The following MACROD2 variants were observed in gnomAD, a reference collection of about 807,000 sequenced individuals.
MACROD2 encodes the protein mono-ADP ribosylhydrolase 2, also known as ADP-ribose glycohydrolase MACROD2.
A neutral mutation model predicts 70.4 loss-of-function variants in MACROD2; 36 were observed. The ratio of observed to expected loss-of-function variants is 0.51; its 90% CI spans 0.39 to 0.68. The LOEUF is 0.68. Ranked by LOEUF, MACROD2 falls within the 30% of genes least tolerant of loss-of-function variation. The probability of loss-of-function intolerance (pLI) is 0.00; values close to 1 mark genes in which losing one functional copy is unlikely to be tolerated. For synonymous variants in MACROD2, 172 were observed against 178.8 expected, an observed-to-expected ratio of 0.96 and a Z score of 0.30; for missense variants, 496 against 538.4, an observed-to-expected ratio of 0.92 and a Z score of 0.78.
At chr20:15,481,583 C>A (rs1299623126) in intron 7 of MACROD2, among the ~76,000 whole-genome samples, 1 of 151,216 alleles carries the variant, frequency 6.6e-6, no homozygotes, top group African/African-American at 2.5e-5. Context: ...ACTAAAAGAA[C>A]TGCATTACAT....
intron 3 of MACROD2, among the ~76,000 whole-genome samples, chr20:14,151,811 C>CTTTTTTTTTTTTTTTT (rs144065987): frequency 8.4e-5 from 5 of 59,216 alleles, no homozygotes; most frequent in Admixed American, 2.3e-4. Flanking sequence ...TGTATTGTAT[C>CTTTTTTTTTTTTTTTT]TTTTTTTTTT....
chr20:14,530,726 AAG>A (rs2085292343), intron 4 of MACROD2, among the ~76,000 whole-genome samples: 1 of 152,226 alleles, frequency 6.6e-6, no homozygotes, highest in Admixed American at 6.5e-5. Context: ...CAAGATGATT[AAG>A]AGCGCGGAAA....
chr20:14,082,177 C>CTTTTTTTTTT lies in MACROD2; in HGVS notation c.164-3434_164-3425dup, dbSNP rs66918191. Reference sequence around the variant, plus strand: ...TTTTCCCATACCTTTCTTTTTTTTTCTTTTTTTTTTTTTTTTTTTGAGATG... The same window carrying CTTTTTTTTTT: ...TTTTCCCATACCTTTCTTTTTTTTTCTTTTTTTTTTTTTTTTTTTTTTTTTTTTTGAGATG... On this transcript the variant is annotated intron_variant, in intron 2 of 17. Transcript: ENST00000684519. 1.3e-3 allele frequency among the ~76,000 whole-genome samples: 120 copies of CTTTTTTTTTT among 93,202 alleles called. 2 individuals carry two copies. The highest frequency in any genetic ancestry group is 1.5e-3 in the Non-Finnish European group (79 of 52,806). The allele number at this position is 93,202 out of a possible 152,430, so 61.1% of individuals were successfully genotyped here. A position where few individuals can be genotyped will look rare whatever the true frequency, so the allele number is the denominator to read the frequency against.
intron 4 of MACROD2, among the ~76,000 whole-genome samples, chr20:14,504,252 C>G (rs1307931608): frequency 6.6e-6 from 1 of 152,110 alleles, no homozygotes; most frequent in Non-Finnish European, 1.5e-5. Context: ...CTGATCTGTG[C>G]CAGGCACTGT....
At chr20:14,132,966 G>A (rs1261437956) in intron 3 of MACROD2, among the ~76,000 whole-genome samples, 1 of 152,062 alleles carries the variant, frequency 6.6e-6, no homozygotes, top group East Asian at 1.9e-4. Context: ...TAAAATGACT[G>A]TATCAGTCAG....
intron 8 of MACROD2, among the ~76,000 whole-genome samples, chr20:15,749,880 G>C (rs12106257): frequency 0.05 from 7,632 of 152,066 alleles, 594 homozygotes; most frequent in African/African-American, 0.17. Flanking sequence ...TTAAATAAGA[G>C]GCTCAAAACT....
chr20:15,249,252 G>T (rs1466997519), intron 6 of MACROD2, among the ~76,000 whole-genome samples: 1 of 152,152 alleles, frequency 6.6e-6, no homozygotes, highest in South Asian at 2.1e-4. Flanking sequence ...AGTCTGCAGG[G>T]GAACGCTGCA....
intron 15 of MACROD2, among the ~76,000 whole-genome samples, chr20:16,026,991 C>G (rs2067089861): frequency 6.6e-6 from 1 of 152,098 alleles, no homozygotes; most frequent in African/African-American, 2.4e-5. Flanking sequence ...TCTCAGAAGG[C>G]ATAAAAATGT....
intron 8 of MACROD2, among the ~76,000 whole-genome samples, chr20:15,624,367 A>G (rs1004475229): frequency 6.6e-6 from 1 of 152,184 alleles, no homozygotes; most frequent in African/African-American, 2.4e-5. Flanking sequence ...ACCCTCACAG[A>G]CACACCCAGA....
At chr20:15,500,989 A>G (rs2047357557) in intron 8 of MACROD2, among the ~76,000 whole-genome samples, 1 of 152,192 alleles carries the variant, frequency 6.6e-6, no homozygotes, top group Non-Finnish European at 1.5e-5. Flanking sequence ...TTCTTTTCAC[A>G]ACAACCTTAT....
At chr20:15,358,349 T>C (rs934518376) in intron 6 of MACROD2, among the ~76,000 whole-genome samples, 7 of 152,210 alleles carry the variant, frequency 4.6e-5, no homozygotes, top group Non-Finnish European at 8.8e-5. Flanking sequence ...CTTAAGTGAT[T>C]AGTAAAGATA....
chr20:15,609,555 G>A (rs1020058143), intron 8 of MACROD2, among the ~76,000 whole-genome samples: 5 of 152,096 alleles, frequency 3.3e-5, no homozygotes, highest in African/African-American at 1.2e-4. Flanking sequence ...TTTCCAAACT[G>A]TCCCCATGAA....
chr20:15,868,603 C>CTTTTTTTT (rs5840688), intron 9 of MACROD2, among the ~76,000 whole-genome samples: 1 of 135,566 alleles, frequency 7.4e-6, no homozygotes, highest in Non-Finnish European at 1.6e-5. Flanking sequence ...TAATACTTTT[C>CTTTTTTTT]TTTTTTTTTT....
At chr20:14,741,649 A>G (rs1237187547) in intron 5 of MACROD2, among the ~76,000 whole-genome samples, 1 of 152,152 alleles carries the variant, frequency 6.6e-6, no homozygotes, top group Non-Finnish European at 1.5e-5. Flanking sequence ...CTTAACATAA[A>G]TTTTGAAAAA....
intron 4 of MACROD2, among the ~76,000 whole-genome samples, chr20:14,504,823 A>G (rs2084951544): frequency 6.6e-6 from 1 of 152,208 alleles, no homozygotes; most frequent in African/African-American, 2.4e-5. Context: ...AATAAACTAT[A>G]AAGAAGTCCT....
chr20:15,583,641 T>C (rs948339053), intron 8 of MACROD2, among the ~76,000 whole-genome samples: 7 of 152,028 alleles, frequency 4.6e-5, no homozygotes, highest in African/African-American at 1.7e-4. Flanking sequence ...TTTGTTTTTG[T>C]TTTTGTTTTT....
intron 3 of MACROD2, among the ~76,000 whole-genome samples, chr20:14,155,423 C>T (rs375914844): frequency 3.3e-4 from 50 of 152,240 alleles, no homozygotes; most frequent in African/African-American, 8.9e-4. Context: ...ACCTTCCCAT[C>T]GGTATGCTAT....
intron 4 of MACROD2, among the ~76,000 whole-genome samples, chr20:14,595,754 G>C (rs1982086342): frequency 6.6e-6 from 1 of 152,082 alleles, no homozygotes; most frequent in Non-Finnish European, 1.5e-5. Context: ...CCCATGTTTT[G>C]CCTACGTATA....
At chr20:15,877,661 C>T (rs1188172222) in intron 9 of MACROD2, among the ~76,000 whole-genome samples, 1 of 152,118 alleles carries the variant, frequency 6.6e-6, no homozygotes, top group Admixed American at 6.6e-5. Context: ...GGATAACGAC[C>T]TCTTCCCTAC....
Sources: gnomAD v4.1 joint callset for allele counts (sites outside exome capture counted in the v4.1 genomes callset) on GRCh38, gnomAD v4.1.1 for gene constraint, MANE v1.5 for transcripts, NCBI Gene and HGNC (gene_info 2026-07-23, HGNC 2026-07-21) for gene names.